PCDH11X: variants seen among roughly 807,000 people sequenced by gnomAD.
PCDH11X encodes the protein protocadherin-11 X-linked.
A neutral mutation model predicts 53.3 loss-of-function variants in PCDH11X; 18 were observed. The observed-to-expected ratio is 0.34, with a 90% CI of 0.23 to 0.50. The LOEUF is 0.50. Among genes scored for constraint, PCDH11X ranks in the 20% least tolerant of loss-of-function variants. The probability of loss-of-function intolerance (pLI) is 0.98; values close to 1 mark genes in which losing one functional copy is unlikely to be tolerated. For missense variants in PCDH11X, 570 were observed against 1,032.4 expected, an observed-to-expected ratio of 0.55 and a Z score of 6.14; for synonymous variants, 279 against 393.3, an observed-to-expected ratio of 0.71 and a Z score of 3.44.
At chrX:92,434,547 C>A (rs1188055794) in intron 9 of PCDH11X, among the ~76,000 whole-genome samples, 4 of 110,156 alleles carry the variant, frequency 3.6e-5, no homozygotes, top group Non-Finnish European at 7.6e-5. Context: ...TTTAAATTTT[C>A]TTTTCTTTTT....
chrX:91,976,069 T>C (rs1297571237), intron 6 of PCDH11X, among the ~76,000 whole-genome samples: 1 of 111,897 alleles, frequency 8.9e-6, no homozygotes, highest in East Asian at 2.8e-4. Context: ...GTTGTTGTTT[T>C]TGAGACTGGG....
chrX:92,253,907 C>T (rs2067510331), intron 7 of PCDH11X, among the ~76,000 whole-genome samples: 1 of 111,939 alleles, frequency 8.9e-6, no homozygotes, highest in African/African-American at 3.2e-5. Context: ...TATTTCCACT[C>T]CAATTTGGTT....
At chrX:92,101,128 G>T (rs1195732548) in intron 6 of PCDH11X, among the ~76,000 whole-genome samples, 1 of 111,969 alleles carries the variant, frequency 8.9e-6, no homozygotes, top group African/African-American at 3.3e-5. Context: ...ATAGCACAAG[G>T]AGATATCAGC....
intron 10 of PCDH11X, among the ~76,000 whole-genome samples, chrX:92,594,955 A>G (rs1363592663): frequency 9.1e-6 from 1 of 109,466 alleles, no homozygotes; most frequent in East Asian, 2.9e-4. Flanking sequence ...TCTGAAGCAT[A>G]TTTCTCTCTC....
intron 7 of PCDH11X, among the ~76,000 whole-genome samples, chrX:92,237,076 G>T (rs906500525): frequency 1.1e-4 from 12 of 111,454 alleles, no homozygotes; most frequent in Non-Finnish European, 2.3e-4. Context: ...ACAGATTGGA[G>T]TCTGTGCAGG....
At chrX:92,356,128 A>G (rs897675467) in intron 8 of PCDH11X, among the ~76,000 whole-genome samples, 65 of 111,563 alleles carry the variant, frequency 5.8e-4, no homozygotes, top group Non-Finnish European at 1.7e-4. Flanking sequence ...AGCAAAAGTT[A>G]TAACATTTGT....
intron 10 of PCDH11X, among the ~76,000 whole-genome samples, chrX:92,575,905 GTATATATATATATA>G (rs58574424): frequency 1.5e-3 from 39 of 25,824 alleles, no homozygotes; most frequent in East Asian, 6.9e-3. Context: ...TACCTGGTGT[GTATATATATATATA>G]TATATATATA....
chrX:92,106,655 A>G (rs777746411), intron 6 of PCDH11X, among the ~76,000 whole-genome samples: 146 of 112,313 alleles, frequency 1.3e-3, no homozygotes, highest in Non-Finnish European at 1.8e-3. Flanking sequence ...AAGCCATATT[A>G]TCATTTATTG....
chrX:92,196,722 G>A (rs2066298011), intron 6 of PCDH11X, among the ~76,000 whole-genome samples: 1 of 111,297 alleles, frequency 9.0e-6, no homozygotes, highest in Non-Finnish European at 1.9e-5. Context: ...TTCTGAATGG[G>A]AATAGAAGAT....
chrX:91,841,552 T>C (rs1370235761), intron 5 of PCDH11X, among the ~76,000 whole-genome samples: 2 of 111,297 alleles, frequency 1.8e-5, no homozygotes, highest in Non-Finnish European at 3.8e-5. Flanking sequence ...TAAATAAAAA[T>C]AAATTTGAAC....
chrX:91,978,641 T>C (rs1461517496), intron 6 of PCDH11X, among the ~76,000 whole-genome samples: 13 of 110,784 alleles, frequency 1.2e-4, no homozygotes, highest in African/African-American at 4.3e-4. Flanking sequence ...GCAGCTGCTA[T>C]CCCCTTGCTG....
rs1024543000 is a variant in PCDH11X, at chrX:92,217,864, A to C, written c.3114+16409A>C. 4.7e-3 allele frequency among the ~76,000 whole-genome samples: 520 copies of C among 110,967 alleles called. 8 individuals are homozygous for C. The highest frequency in any genetic ancestry group is 0.016 in the African/African-American group (494 of 30,450). On this transcript the variant is annotated intron_variant, in intron 7 of 10. Coordinates refer to ENST00000682573, the MANE Select transcript of PCDH11X (RefSeq NM_032968.5). ...TTATAACAAACTGTCTCTCAGACCA[A>C]AGTGCAATCAAACTAGAACTCAGGA...
chrX:92,213,349 T>C (rs1398490450), intron 7 of PCDH11X, among the ~76,000 whole-genome samples: 2 of 111,874 alleles, frequency 1.8e-5, no homozygotes, highest in Non-Finnish European at 3.8e-5. Flanking sequence ...AATTTCAATT[T>C]ATTCAGTCCT....
intron 10 of PCDH11X, among the ~76,000 whole-genome samples, chrX:92,497,100 T>C (rs1199176375): frequency 9.0e-6 from 1 of 111,435 alleles, no homozygotes; most frequent in Admixed American, 9.6e-5. Flanking sequence ...CAGTTCCAAA[T>C]ACAGCAAGGG....
rs1303954524 is a variant in PCDH11X, at chrX:92,111,358, T to C, written c.3034-90017T>C. Among the ~76,000 whole-genome samples the C allele has an allele frequency of 6.4e-5, 7 of 109,806 alleles. No individual in the cohort carries two copies. The East Asian group carries it at 2.0e-3, about 31-fold the overall frequency. On this transcript the variant is annotated intron_variant, in intron 6 of 10. Transcript: ENST00000682573. ...AACTTCATATTCTACTCAGTGCTTC[T>C]AGTTATTAATGAGAAATGAATTTTT...
chrX:92,213,529 G>C (rs1212441921), intron 7 of PCDH11X, among the ~76,000 whole-genome samples: 2 of 111,583 alleles, frequency 1.8e-5, no homozygotes, highest in African/African-American at 3.3e-5. Context: ...ATCGTACACT[G>C]TCCTCTATTC....
intron 5 of PCDH11X, among the ~76,000 whole-genome samples, chrX:91,850,972 A>G (rs989855747): frequency 9.0e-6 from 1 of 111,357 alleles, no homozygotes; most frequent in Admixed American, 9.6e-5. Context: ...CAGCTATTTT[A>G]GGAGAATAAG....
At chrX:91,843,068 G>A (rs1721555228) in intron 5 of PCDH11X, among the ~76,000 whole-genome samples, 1 of 107,870 alleles carries the variant, frequency 9.3e-6, no homozygotes, top group South Asian at 4.3e-4. Context: ...TAATATCTTA[G>A]TCTAATTCCA....
intron 6 of PCDH11X, among the ~76,000 whole-genome samples, chrX:92,074,889 A>G (rs1428709471): frequency 1.8e-5 from 2 of 110,643 alleles, no homozygotes; most frequent in Admixed American, 9.7e-5. Flanking sequence ...ATATTATTCC[A>G]TCGCTCAAAA....
Sources: allele counts gnomAD v4.1 joint callset (sites outside exome capture counted in the v4.1 genomes callset), GRCh38; gene constraint gnomAD v4.1.1; transcripts MANE v1.5; gene names NCBI Gene and HGNC (gene_info 2026-07-23, HGNC 2026-07-21).